IFT172: variants seen among roughly 807,000 people sequenced by gnomAD.
The protein encoded by IFT172 is intraflagellar transport protein 172 homolog.
IFT172 carries 164 observed loss-of-function variants against 248.9 expected under a neutral mutation model. That is an observed-to-expected ratio of 0.66 (90% CI 0.58 to 0.75). The LOEUF is 0.75. Among genes scored for constraint, IFT172 ranks in the 30% least tolerant of loss-of-function variants. IFT172 has a pLI of 0.00. For synonymous variants in IFT172, 729 were observed against 791.6 expected, an observed-to-expected ratio of 0.92 and a Z score of 1.33; for missense variants, 1,950 against 2,192.4, an observed-to-expected ratio of 0.89 and a Z score of 2.21.
At chr2:27,476,761 C>T in intron 13 of IFT172, 35 bp from the exon 14 acceptor site, 3 of 1,319,644 alleles carry the variant, frequency 2.3e-6, no homozygotes, top group Non-Finnish European at 3.3e-6. Flanking sequence ...GCAAAATGGG[C>T]TGAGGTAGTT....
rs1668267087 is a variant in IFT172 at position 27,480,251 on chromosome 2, A to C, written c.786-102T>G. On this transcript the variant is annotated intron_variant, in intron 8 of 47. Coordinates refer to ENST00000260570, the MANE Select transcript of IFT172 (RefSeq NM_015662.3). ...ATTAGTCTTGCTATATCAGAAAAGA[A>C]AGGAAATAAAAAGAACAGACAAGCT... The C allele has an allele frequency of 9.0e-6, 13 of 1,436,584 alleles. No homozygotes were observed. In the East Asian group the frequency reaches 3.1e-4, roughly 34 times the overall value. 89.0% of individuals were successfully genotyped at this position (1,436,584 alleles called of 1,614,324 possible).
intron 7 of IFT172, among the ~76,000 whole-genome samples, chr2:27,481,614 G>A (rs948509025): frequency 2.7e-5 from 4 of 149,434 alleles, no homozygotes; most frequent in East Asian, 2.0e-4. Flanking sequence ...CAATCTCATC[G>A]CTGCAACCTC....
chr2:27,481,145 A>T lies in IFT172; in HGVS notation c.686T>A (p.Leu229Gln). The T allele has an allele frequency of 6.2e-7, 1 of 1,613,930 alleles. No individual in the cohort carries two copies. The highest frequency in any genetic ancestry group is 8.5e-7 in the Non-Finnish European group (1 of 1,180,018). ...IVAYGKEGHMLQTFDYSRDPQ... is the reference protein window; with the variant it reads ...IVAYGKEGHMQQTFDYSRDPQ... ...GTCACGGCTATAATCAAAAGTTTGT[A>T]GCATGTGACCTTCTTTTCCATAGGC... The change falls in exon 8 of 48, where the codon CTA becomes CAA. Residue 229 changes from leucine (L) to glutamine (Q), a missense_variant. Transcript: ENST00000260570.
rs1666475109 is a variant in IFT172 at position 27,459,644 on chromosome 2, C to T, written c.2642+65G>A. The T allele has an allele frequency of 2.5e-6, 4 of 1,606,100 alleles. No homozygotes were observed. The South Asian group carries it at 3.3e-5, about 13-fold the overall frequency. On this transcript the variant is annotated intron_variant, in intron 24 of 47. Transcript: ENST00000260570. ...GATCTCTTCTTTAAGGCCTTGGTGT[C>T]CTTACTTGCTCCACTGCCCCTCACT...
chr2:27,470,986 C>G lies in IFT172; in HGVS notation c.1634G>C (p.Ser545Thr). 1 of 1,613,968 alleles carries G rather than the reference C, an allele frequency of 6.2e-7. No homozygotes were observed. The highest frequency in any genetic ancestry group is 8.5e-7 in the Non-Finnish European group (1 of 1,179,988). The change falls in exon 16 of 48, where the codon AGT (serine) becomes ACT (threonine). Residue 545 changes from serine (S) to threonine (T), a missense_variant. Physicochemically the swap from Ser to Thr is moderately conservative, Grantham distance 58 (BLOSUM62 1). Coordinates refer to ENST00000260570, the MANE Select transcript of IFT172 (RefSeq NM_015662.3). ...CTCAATGTTGTACCATACACACAGA[C>G]TGTTTCGGTTCTGAGCTACCAGCAC... ...SDVLVAQNRN[S>T]LCVWYNIEAP...
Position 27,462,788 on chromosome 2 carries a change from T to C in IFT172, c.2028A>G (p.Gly676=), listed in dbSNP as rs776121409. Residue 676 remains glycine, a synonymous_variant, in exon 20 of 48, where the codon GGA becomes GGG. Transcript: ENST00000260570. ...GGACCTGATAAAAGTCTGTTCCTTC[T>C]CCGCCCTGTGGGGGAAAAAGGAGGT... ...IADQVSREYG[G]EGTDFYQVRA... 1 of 1,614,092 alleles carries C rather than the reference T, an allele frequency of 6.2e-7. No individual in the cohort carries two copies. The highest frequency in any genetic ancestry group is 1.1e-5 in the South Asian group (1 of 91,072).
chr2:27,453,137 T>C (rs997660525), intron 35 of IFT172: 1 of 636,880 alleles, frequency 1.6e-6, no homozygotes, highest in South Asian at 1.5e-5. Context: ...TACTCAGATA[T>C]GATAGTAATT....
rs755327956 is a variant in IFT172 at position 27,454,669 on chromosome 2, G to A, written c.3372-9C>T. 6 of 1,613,282 alleles carry A rather than the reference G, an allele frequency of 3.7e-6. No individual in the cohort carries two copies. Among genetic ancestry groups the A allele is most frequent in the Non-Finnish European group, 4.2e-6 (5 of 1,179,410 alleles). On this transcript the variant is annotated splice_polypyrimidine_tract_variant and intron_variant, in intron 30 of 47. Transcript: ENST00000260570. The surrounding 1 kb of genome is among the most constrained non-coding windows in gnomAD (Gnocchi z 4.2). ...ACGCAAATTCAAAGGAGCTGAAACA[G>A]AAAGTGCAGATAAAGTTTTCTTGCT...
At position 27,462,792 on chromosome 2, in the gene IFT172, C is replaced by T. The variant is rs776862463; in HGVS notation, c.2024G>A (p.Gly675Asp). ...CTGATAAAAGTCTGTTCCTTCTCCG[C>T]CCTGTGGGGGAAAAAGGAGGTTCTG... ...EIADQVSREY[G>D]GEGTDFYQVR... Residue 675 changes from glycine to aspartate, a missense_variant and splice_region_variant, in exon 20 of 48, where the codon GGC becomes GAC. Transcript: ENST00000260570. The T allele has an allele frequency of 1.2e-6, 2 of 1,614,038 alleles. No homozygotes were observed. The highest frequency in any genetic ancestry group is 1.7e-6 in the Non-Finnish European group (2 of 1,179,956).
Position 27,448,941 on chromosome 2 carries a change from G to T in IFT172, c.4402C>A (p.Gln1468Lys). 2 of 1,598,096 alleles carry T rather than the reference G, an allele frequency of 1.3e-6. No homozygotes were observed. The highest frequency in any genetic ancestry group is 2.2e-5 in the South Asian group (2 of 90,806). Residue 1468 changes from glutamine (Q) to lysine (K), a missense_variant, in exon 40 of 48, where the codon CAG becomes AAG. By Grantham distance (53) the Gln-to-Lys change is moderately conservative. Around this residue, in one of 3 missense-constraint regions of IFT172, gnomAD observed 620 missense variants for 699.0 expected, o/e 0.89. Transcript: ENST00000260570. Reference protein sequence around the residue: ...SSAQALALYVQHGAPANPQNF... With the variant: ...SSAQALALYVKHGAPANPQNF... ...TGTGGGTTAGCAGGGGCTCCGTGCT[G>T]TACATACAGGGCCAATGCCTGGGCA...
chr2:27,457,499 C>T, intron 29 of IFT172, 140 bp downstream of exon 29: 1 of 692,922 alleles, frequency 1.4e-6, no homozygotes, highest in Non-Finnish European at 2.5e-6. Flanking sequence ...TGCTTAAGCC[C>T]AGGAGGTCAA....
rs377200724 is a variant in IFT172, at chr2:27,445,952, T to C, written c.4792A>G (p.Asn1598Asp). ...GWDNMAFIFL[N>D]RFLDLTDAIE... ...ACATCGGTCAGGTCCAAAAAGCGAT[T>C]GAGGAAGATGAATGCCATGTTATCC... Residue 1598 changes from asparagine to aspartate, a missense_variant, in exon 44 of 48, where the codon AAT (asparagine) becomes GAT (aspartate). Asn to Asp is a conservative substitution (Grantham distance 23, BLOSUM62 1). Coordinates refer to ENST00000260570, the MANE Select transcript of IFT172 (RefSeq NM_015662.3). The surrounding 1 kb of genome is among the most constrained non-coding windows in gnomAD (Gnocchi z 4.4). 2 of 1,614,046 alleles carry C rather than the reference T, an allele frequency of 1.2e-6. No individual in the cohort carries two copies. The highest frequency in any genetic ancestry group is 2.7e-5 in the African/African-American group (2 of 74,918).
rs1348451622 is a variant in IFT172 at position 27,465,526 on chromosome 2, G to C, written c.1830-8C>G. On this transcript the variant is annotated splice_region_variant and splice_polypyrimidine_tract_variant and intron_variant, in intron 17 of 47. Coordinates refer to ENST00000260570, the MANE Select transcript of IFT172 (RefSeq NM_015662.3). ...TCTAAGAAGGCTGTTGCCCTGGAAA[G>C]GGAAGGAAGCAAAGCATAATGAATG... is the stretch of plus-strand genomic sequence containing the variant. 6 of 1,613,144 alleles carry C rather than the reference G, an allele frequency of 3.7e-6. No homozygotes were observed. Among genetic ancestry groups the C allele is most frequent in the Non-Finnish European group, 5.1e-6 (6 of 1,179,088 alleles).
At chr2:27,470,225 T>G (rs1667449026) in intron 16 of IFT172, among the ~76,000 whole-genome samples, 1 of 144,914 alleles carries the variant, frequency 6.9e-6, no homozygotes, top group East Asian at 2.0e-4. Context: ...GCCTGGGAGA[T>G]AGTGGGAGAC....
At chr2:27,486,462 C>T (rs1336059733) in intron 1 of IFT172, among the ~76,000 whole-genome samples, 1 of 152,208 alleles carries the variant, frequency 6.6e-6, no homozygotes, top group African/African-American at 2.4e-5. Flanking sequence ...GGTTTCCTTC[C>T]TTGAAAACAA....
intron 1 of IFT172, among the ~76,000 whole-genome samples, chr2:27,488,311 G>A (rs955219996): frequency 3.3e-5 from 5 of 152,012 alleles, no homozygotes; most frequent in African/African-American, 7.2e-5. Context: ...CTGCTGCCAC[G>A]CCCGGCTAAT....
At chr2:27,482,394 G>A (rs556509258) in intron 7 of IFT172, among the ~76,000 whole-genome samples, 66 of 152,166 alleles carry the variant, frequency 4.3e-4, no homozygotes, top group Admixed American at 3.6e-3. Context: ...CCAGGTTCAA[G>A]CGATTCTCCT....
chr2:27,485,212 G>T, intron 2 of IFT172, 82 bp from the exon 3 acceptor site: 2 of 1,430,070 alleles, frequency 1.4e-6, no homozygotes, highest in Non-Finnish European at 1.9e-6. Context: ...AGGCATATGT[G>T]TGCTCCTAAG....
At position 27,445,374 on chromosome 2, in the gene IFT172, G is replaced by A. The variant is rs139348179; in HGVS notation, c.4990C>T (p.Arg1664Trp). 1.1e-3 allele frequency: 1,748 copies of A among 1,612,924 alleles called. 36 individuals are homozygous for A. The South Asian group carries it at 0.018, about 16-fold the overall frequency. ...MDQRLEQVLP[R>W]DERGAYEASL... Reference sequence around the variant, plus strand: ...GCCTCGTAGGCGCCACGCTCATCCCGAGGCAGAACCTGCTCCAGCCGCTGG... The same window carrying A: ...GCCTCGTAGGCGCCACGCTCATCCCAAGGCAGAACCTGCTCCAGCCGCTGG... The change falls in exon 46 of 48, where the codon CGG becomes TGG. Residue 1664 changes from arginine (R) to tryptophan (W), a missense_variant. Arg to Trp is a moderately radical substitution (Grantham distance 101, BLOSUM62 -3). Around this residue, in one of 3 missense-constraint regions of IFT172, gnomAD observed 620 missense variants for 699.0 expected, o/e 0.89. Coordinates refer to ENST00000260570, the MANE Select transcript of IFT172 (RefSeq NM_015662.3). This position sits in a 1 kb window ranked among gnomAD's most constrained non-coding sequence, Gnocchi z 4.4.
Sources: gnomAD v4.1 joint callset for allele counts (sites outside exome capture counted in the v4.1 genomes callset) on GRCh38, gnomAD v4.1.1 for gene constraint, gnomAD v4.1.1 regional missense constraint, Gnocchi (gnomAD v3.1) non-coding constraint, MANE v1.5 for transcripts, NCBI Gene and HGNC (gene_info 2026-07-23, HGNC 2026-07-21) for gene names.